LRRIQ1: variants seen among roughly 807,000 people sequenced by gnomAD.
LRRIQ1 encodes leucine-rich repeat- and IQ domain-containing protein 1.
A neutral mutation model predicts 211.9 loss-of-function variants in LRRIQ1; 210 were observed. The ratio of observed to expected loss-of-function variants is 0.99; its 90% confidence interval spans 0.89 to 1.11. LRRIQ1 has a LOEUF of 1.11. LRRIQ1 is among the 50% of genes most tolerant of loss of function. The pLI, the probability that LRRIQ1 is intolerant of heterozygous loss-of-function variation, is 0.00. For missense variants in LRRIQ1, 2,136 were observed against 1,939.5 expected, an observed-to-expected ratio of 1.10 and a Z score of -1.90; for synonymous variants, 699 against 650.1, an observed-to-expected ratio of 1.08 and a Z score of -1.14.
At chr12:85,258,450 C>T (rs569319777) in intron 1 of LRRIQ1, among the ~76,000 whole-genome samples, 5 of 151,882 alleles carry the variant, frequency 3.3e-5, no homozygotes, top group African/African-American at 1.2e-4. Context: ...CACAATATTA[C>T]GTTGAGGAAA....
intron 15 of LRRIQ1, among the ~76,000 whole-genome samples, chr12:85,121,195 A>G (rs1008551078): frequency 2.8e-4 from 42 of 152,126 alleles, no homozygotes; most frequent in African/African-American, 9.9e-4. Flanking sequence ...ATTCAGGAGA[A>G]AATATAATTG....
In LRRIQ1 at chr12:85,229,561, A is replaced by C; in HGVS notation, c.4867A>C (p.Lys1623Gln). ...PIHKDTTANE[K>Q]LERNREYTYQ... ...CCACAAAGATACCACTGCAAATGAA[A>C]AATTAGAACGGAATAGAGAATATAC... is the stretch of plus-strand genomic sequence containing the variant. The change falls in exon 25 of 27, where the codon AAA becomes CAA. Residue 1623 changes from lysine (K) to glutamine (Q), a missense_variant. Physicochemically the swap from Lys to Gln is moderately conservative, Grantham distance 53. Transcript: ENST00000393217. The C allele has an allele frequency of 3.1e-6, 5 of 1,612,874 alleles. No homozygotes were observed. Among genetic ancestry groups the C allele is most frequent in the Non-Finnish European group, 4.2e-6 (5 of 1,179,368 alleles).
At chr12:85,121,247 C>G (rs1887960260) in intron 15 of LRRIQ1, among the ~76,000 whole-genome samples, 1 of 152,130 alleles carries the variant, frequency 6.6e-6, no homozygotes, top group African/African-American at 2.4e-5. Context: ...TATCCTACCT[C>G]TTTTGTTTTA....
intron 13 of LRRIQ1, among the ~76,000 whole-genome samples, chr12:85,102,957 A>ATAT (rs1383729830): frequency 3.4e-3 from 402 of 117,222 alleles, no homozygotes; most frequent in African/African-American, 0.013. Flanking sequence ...AAAAAAAAAA[A>ATAT]AAATATATAT....
chr12:85,221,094 G>A (rs1052879386), intron 24 of LRRIQ1, among the ~76,000 whole-genome samples: 3 of 151,984 alleles, frequency 2.0e-5, no homozygotes, highest in African/African-American at 7.3e-5. Flanking sequence ...TTACAGACGT[G>A]AGCCACCACG....
chr12:85,104,010 T>A lies in LRRIQ1; in HGVS notation c.3216T>A (p.Thr1072=). The A allele has an allele frequency of 1.3e-6, 2 of 1,566,198 alleles. No individual in the cohort carries two copies. The highest frequency in any genetic ancestry group is 2.4e-5 in the South Asian group (2 of 83,148). Residue 1072 remains threonine, a synonymous_variant, in exon 14 of 27, where the codon ACT becomes ACA. Coordinates refer to ENST00000393217, the MANE Select transcript of LRRIQ1 (RefSeq NM_001079910.2). The stretch of plus-strand genomic sequence containing the variant: ...TTTTTGTTTTTGTTTTCAGCTTGAC[T>A]AAAATCGTACCACTTTTTCATTTTG... ...QNITISQNSL[T]KIVPLFHFVS...
Position 85,098,944 on chromosome 12 carries a change from T to G in LRRIQ1, c.3159T>G (p.Phe1053Leu). The change falls in exon 13 of 27, where the codon TTT becomes TTG. Residue 1053 changes from phenylalanine to leucine, a missense_variant. Coordinates refer to ENST00000393217, the MANE Select transcript of LRRIQ1 (RefSeq NM_001079910.2). ...ACAGCATTTCAACTGTGGAAGCATT[T>G]TCTTCATACTGGCTGCCTTTACTAC... ...DDNSISTVEA[F>L]SSYWLPLLQN... is the part of the protein sequence containing the mutation. 1.9e-6 allele frequency: 3 copies of G among 1,575,130 alleles called. No homozygotes were observed. The highest frequency in any genetic ancestry group is 2.6e-6 in the Non-Finnish European group (3 of 1,158,006).
intron 14 of LRRIQ1, among the ~76,000 whole-genome samples, chr12:85,106,016 A>T (rs1886757591): frequency 6.6e-6 from 1 of 151,876 alleles, no homozygotes; most frequent in South Asian, 2.1e-4. Context: ...GGCTGGTCTC[A>T]AACTCCTGAC....
chr12:85,090,107 C>G (rs896736446), intron 11 of LRRIQ1, among the ~76,000 whole-genome samples: 2 of 152,176 alleles, frequency 1.3e-5, no homozygotes, highest in Non-Finnish European at 2.9e-5. Flanking sequence ...TCCACTTTGC[C>G]TAATGCACAT....
chr12:85,052,267 T>C lies in LRRIQ1; in HGVS notation c.753+16T>C. On this transcript the variant is annotated intron_variant, in intron 7 of 26. Coordinates refer to ENST00000393217, the MANE Select transcript of LRRIQ1 (RefSeq NM_001079910.2). ...ACAGCATGAGGTATCTATTTGTTGT[T>C]TTTATTTAGCACATTAAGCTTTCTT... 7.6e-7 allele frequency: 1 copy of C among 1,322,888 alleles called. No homozygotes were observed. Among genetic ancestry groups the C allele is most frequent in the Non-Finnish European group, 1.1e-6 (1 of 944,068 alleles). The allele number at this position is 1,322,888 out of a possible 1,614,324, so 81.9% of individuals were successfully genotyped here. A position where few individuals can be genotyped will look rare whatever the true frequency, so the allele number is the denominator to read the frequency against.
At chr12:85,231,758 A>G (rs1446917425) in intron 25 of LRRIQ1, among the ~76,000 whole-genome samples, 2 of 152,158 alleles carry the variant, frequency 1.3e-5, no homozygotes, top group Admixed American at 1.3e-4. Context: ...CAAGAACAAG[A>G]ACGAACTCAC....
At chr12:85,066,128 T>G (rs1446723731) in intron 9 of LRRIQ1, among the ~76,000 whole-genome samples, 1 of 151,904 alleles carries the variant, frequency 6.6e-6, no homozygotes, top group Non-Finnish European at 1.5e-5. Context: ...AAGGTAACAG[T>G]CTATTAAAAT....
chr12:85,184,278 A>T (rs1892127711), intron 24 of LRRIQ1, among the ~76,000 whole-genome samples: 1 of 152,036 alleles, frequency 6.6e-6, no homozygotes, highest in African/African-American at 2.4e-5. Flanking sequence ...TTATCACCAG[A>T]TGTCTCTGAA....
chr12:85,161,786 A>G (rs996961457), intron 24 of LRRIQ1, among the ~76,000 whole-genome samples: 4 of 152,188 alleles, frequency 2.6e-5, no homozygotes, highest in Non-Finnish European at 5.9e-5. Context: ...CACGCCTGTA[A>G]TCCCAGCACT....
At chr12:85,186,609 G>A (rs1292145000) in intron 24 of LRRIQ1, among the ~76,000 whole-genome samples, 1 of 151,920 alleles carries the variant, frequency 6.6e-6, no homozygotes, top group East Asian at 1.9e-4. Context: ...ACATCTCTCC[G>A]AGTACTTTAA....
intron 24 of LRRIQ1, among the ~76,000 whole-genome samples, chr12:85,208,694 A>C (rs1257481704): frequency 3.3e-5 from 5 of 152,140 alleles, no homozygotes; most frequent in Admixed American, 3.3e-4. Flanking sequence ...GATATTACAA[A>C]CTCAATGGAT....
chr12:85,090,123 G>A (rs1211922028), intron 11 of LRRIQ1, among the ~76,000 whole-genome samples: 1 of 152,204 alleles, frequency 6.6e-6, no homozygotes, highest in African/African-American at 2.4e-5. Flanking sequence ...CACATCATAA[G>A]CCTTGGCATC....
rs1420472890 is a variant in LRRIQ1 at position 85,098,443 on chromosome 12, C to T, written c.2976C>T (p.Thr992=). The T allele has an allele frequency of 6.2e-7, 1 of 1,609,332 alleles. No individual in the cohort carries two copies. The change falls in exon 12 of 27, where the codon ACC becomes ACT. Residue 992 remains threonine (T), a synonymous_variant. Transcript: ENST00000393217. ...INTKGLCDTP[T]IVYLDCSHNH... ...CAAAAGGTCTTTGTGATACACCTAC[C>T]ATTGTATACCTAGATTGCTCCCATA...
At chr12:85,137,474 G>T (rs1889217727) in intron 18 of LRRIQ1, among the ~76,000 whole-genome samples, 1 of 151,398 alleles carries the variant, frequency 6.6e-6, no homozygotes, top group Non-Finnish European at 1.5e-5. Context: ...TTTCTTAATT[G>T]TGCTTTATTT....
Sources: allele counts gnomAD v4.1 joint callset (sites outside exome capture counted in the v4.1 genomes callset), GRCh38; gene constraint gnomAD v4.1.1; transcripts MANE v1.5; gene names NCBI Gene and HGNC (gene_info 2026-07-23, HGNC 2026-07-21).